The following PDE4D variants were observed in gnomAD, a reference collection of about 807,000 sequenced individuals.
The protein encoded by PDE4D is phosphodiesterase 4D, also known as 3',5'-cyclic-AMP phosphodiesterase 4D.
In PDE4D, 24 loss-of-function variants were observed where a neutral mutation model predicts 87.4. The ratio of observed to expected loss-of-function variants is 0.27; its 90% confidence interval spans 0.20 to 0.39. PDE4D has a LOEUF of 0.39. Ranked by LOEUF, PDE4D falls within the 10% of genes least tolerant of loss-of-function variation. PDE4D has a pLI of 1.00. For missense variants in PDE4D, 714 were observed against 1,041.0 expected (o/e 0.69, Z 4.32); for synonymous variants, 384 against 383.2 (o/e 1.00, Z -0.02).
chr5:60,366,369 A>C (rs923193825), intron 1 of PDE4D, among the ~76,000 whole-genome samples: 4 of 152,186 alleles, frequency 2.6e-5, no homozygotes, highest in Admixed American at 2.6e-4. Context: ...AGAAAGTCAG[A>C]TCATACACCA....
intron 1 of PDE4D, among the ~76,000 whole-genome samples, chr5:59,443,253 G>A (rs1019474281): frequency 6.6e-6 from 1 of 151,982 alleles, no homozygotes; most frequent in South Asian, 2.1e-4. Context: ...CCAGGCAGAC[G>A]ACAGAATGCC....
At chr5:59,708,928 G>A (rs1753824892) in intron 1 of PDE4D, among the ~76,000 whole-genome samples, 1 of 148,882 alleles carries the variant, frequency 6.7e-6, no homozygotes, top group Admixed American at 6.7e-5. Context: ...TTTAATCGAG[G>A]ATATCCCTTC....
At chr5:59,647,971 T>G (rs1166246100) in intron 1 of PDE4D, among the ~76,000 whole-genome samples, 2 of 152,138 alleles carry the variant, frequency 1.3e-5, no homozygotes, top group East Asian at 3.9e-4. Context: ...GTGATTCCAG[T>G]GGTACATGTA....
intron 6 of PDE4D, among the ~76,000 whole-genome samples, chr5:59,031,157 T>C (rs1757317805): frequency 6.6e-6 from 1 of 151,938 alleles, no homozygotes; most frequent in Admixed American, 6.6e-5. Flanking sequence ...CCACCATTAT[T>C]GAAAATAGTA....
At chr5:59,385,087 A>C (rs932887129) in intron 1 of PDE4D, among the ~76,000 whole-genome samples, 3 of 152,046 alleles carry the variant, frequency 2.0e-5, no homozygotes, top group African/African-American at 4.8e-5. Context: ...TAATCTATCA[A>C]TTTCATTTTC....
At chr5:59,518,234 A>T (rs1385745770) in intron 1 of PDE4D, among the ~76,000 whole-genome samples, 2 of 151,320 alleles carry the variant, frequency 1.3e-5, no homozygotes, top group Non-Finnish European at 2.9e-5. Flanking sequence ...TAAAATTTAC[A>T]CCAGTGGCAA....
chr5:60,139,793 C>T (rs1423491717), intron 2 of PDE4D, among the ~76,000 whole-genome samples: 2 of 151,928 alleles, frequency 1.3e-5, no homozygotes, highest in African/African-American at 4.8e-5. Flanking sequence ...TATTTAAACA[C>T]ACATCTATAA....
chr5:59,974,871 T>C (rs1666087898), intron 3 of PDE4D, among the ~76,000 whole-genome samples: 1 of 152,166 alleles, frequency 6.6e-6, no homozygotes, highest in African/African-American at 2.4e-5. Context: ...CCTTTTCCCA[T>C]GGCAAACAGA....
chr5:59,669,279 A>G (rs998368820), intron 1 of PDE4D, among the ~76,000 whole-genome samples: 2 of 152,082 alleles, frequency 1.3e-5, no homozygotes, highest in African/African-American at 2.4e-5. Flanking sequence ...ACACCCGGCT[A>G]ATTTTGTATT....
intron 1 of PDE4D, among the ~76,000 whole-genome samples, chr5:59,545,015 A>C (rs1056702321): frequency 3.3e-5 from 5 of 152,160 alleles, no homozygotes; most frequent in African/African-American, 1.2e-4. Flanking sequence ...ATCATCTTTA[A>C]CCTTACAGTC....
intron 2 of PDE4D, among the ~76,000 whole-genome samples, chr5:60,057,428 TCTC>T (rs1770900111): frequency 1.3e-5 from 2 of 152,088 alleles, no homozygotes; most frequent in South Asian, 2.1e-4. Context: ...AACAAATATT[TCTC>T]CTATTTCAAT....
chr5:59,561,423 C>T (rs1172760229), intron 1 of PDE4D, among the ~76,000 whole-genome samples: 3 of 152,200 alleles, frequency 2.0e-5, no homozygotes, highest in Non-Finnish European at 4.4e-5. Flanking sequence ...TAAAAGTATT[C>T]ACCTGTCTAA....
At chr5:60,046,023 T>C (rs1388173467) in intron 2 of PDE4D, among the ~76,000 whole-genome samples, 3 of 152,220 alleles carry the variant, frequency 2.0e-5, no homozygotes, top group Non-Finnish European at 4.4e-5. Context: ...CATTTGTTTG[T>C]ATCCTCTTTT....
intron 1 of PDE4D, among the ~76,000 whole-genome samples, chr5:59,794,085 A>G (rs1195823869): frequency 6.6e-6 from 1 of 152,076 alleles, no homozygotes; most frequent in South Asian, 2.1e-4. Context: ...ACAGACATGG[A>G]CACAGACATA....
chr5:59,353,204 A>T (rs1021150155), intron 1 of PDE4D, among the ~76,000 whole-genome samples: 4 of 152,104 alleles, frequency 2.6e-5, no homozygotes, highest in African/African-American at 9.7e-5. Context: ...GTAATTTTCT[A>T]TTTAAAGTTT....
At chr5:59,954,521 T>C (rs1758631217) in intron 3 of PDE4D, among the ~76,000 whole-genome samples, 1 of 152,174 alleles carries the variant, frequency 6.6e-6, no homozygotes, top group African/African-American at 2.4e-5. Flanking sequence ...GCCGGGAAGA[T>C]TAACAAGTCA....
At chr5:60,501,687 G>A (rs1312845075) in intron 1 of PDE4D, among the ~76,000 whole-genome samples, 84 of 151,496 alleles carry the variant, frequency 5.5e-4, no homozygotes, top group East Asian at 5.2e-3. Context: ...TTTAATGATC[G>A]CCATTCTAAC....
chr5:60,474,450 G>C (rs1182233824), intron 1 of PDE4D, among the ~76,000 whole-genome samples: 1 of 151,848 alleles, frequency 6.6e-6, no homozygotes, highest in Non-Finnish European at 1.5e-5. Flanking sequence ...GAATTTGAGA[G>C]GGATACAAAA....
chr5:59,493,028 T>A (rs147731029), intron 1 of PDE4D, among the ~76,000 whole-genome samples: 71 of 152,252 alleles, frequency 4.7e-4, no homozygotes, highest in African/African-American at 1.6e-3. Context: ...ATCAGCAGTG[T>A]GAAAATGGAC....
Sources: gnomAD v4.1 joint callset for allele counts (sites outside exome capture counted in the v4.1 genomes callset) on GRCh38, gnomAD v4.1.1 for gene constraint, MANE v1.5 for transcripts, NCBI Gene and HGNC (gene_info 2026-07-23, HGNC 2026-07-21) for gene names.